The following FBXW10 variants were observed in gnomAD, a reference collection of about 807,000 sequenced individuals.
FBXW10 encodes the protein F-box and WD repeat domain containing 10.
A neutral mutation model predicts 113.1 loss-of-function variants in FBXW10; 68 were observed. The observed-to-expected ratio is 0.60, with a 90% CI of 0.49 to 0.74. The LOEUF (loss-of-function observed/expected upper bound fraction) is 0.74, where lower values mean the gene tolerates loss of function less well. Among genes scored for constraint, FBXW10 ranks in the 30% least tolerant of loss-of-function variants. The pLI, the probability that FBXW10 is intolerant of heterozygous loss-of-function variation, is 0.00. For synonymous variants in FBXW10, 289 were observed against 481.6 expected, an observed-to-expected ratio of 0.60 and a Z score of 5.24; for missense variants, 753 against 1,284.5, an observed-to-expected ratio of 0.59 and a Z score of 6.32.
rs568090172 is a variant in FBXW10, at chr17:18,775,704, GAGAA to G, written c.2335+516_2335+519del. Among the ~76,000 whole-genome samples the G allele has an allele frequency of 1.7e-3, 253 of 152,310 alleles. 1 individual carries two copies. Among genetic ancestry groups the G allele is most frequent in the Non-Finnish European group, 2.8e-3 (191 of 68,028 alleles). On this transcript the variant is annotated intron_variant, in intron 13 of 13. Transcript: ENST00000395665. ...ATATATGTGAGATAAAGAGATAAGG[GAGAA>G]AGAGAGATGGGGATGCACCTTTTAA...
intron 13 of FBXW10, 102 bp downstream of exon 13, chr17:18,775,294 C>A (rs2035681017): frequency 3.9e-6 from 3 of 761,322 alleles, no homozygotes; most frequent in Admixed American, 4.1e-5. Flanking sequence ...GACAAAAAGT[C>A]ATACTTAATT....
intron 7 of FBXW10, among the ~76,000 whole-genome samples, chr17:18,763,791 T>C (rs1000438979): frequency 1.3e-5 from 2 of 151,986 alleles, no homozygotes; most frequent in African/African-American, 4.8e-5. Flanking sequence ...CTGTTGCTCT[T>C]GTTTGCAGAT....
Position 18,753,210 on chromosome 17 carries a change from C to A in FBXW10, c.1122+2157C>A, listed in dbSNP as rs1408260812. On this transcript the variant is annotated intron_variant, in intron 5 of 13. Coordinates refer to ENST00000395665, the MANE Select transcript of FBXW10 (RefSeq NM_001267585.2). ...GGGGGGACAGTCTCTTGGGTAACTA[C>A]CAAACTTCACCCTCATACAGTGGGC... Among the ~76,000 whole-genome samples, 4 of 152,190 alleles carry A rather than the reference C, an allele frequency of 2.6e-5. No homozygotes were observed. In the East Asian group the frequency reaches 7.7e-4, roughly 29 times the overall value.
At chr17:18,762,617 C>T (rs995988629) in intron 7 of FBXW10, among the ~76,000 whole-genome samples, 7 of 152,108 alleles carry the variant, frequency 4.6e-5, no homozygotes, top group Non-Finnish European at 1.0e-4. Flanking sequence ...CCACCACGCC[C>T]GGCCGACAAT....
intron 5 of FBXW10, among the ~76,000 whole-genome samples, chr17:18,754,110 C>T (rs2035218673): frequency 6.6e-6 from 1 of 151,908 alleles, no homozygotes; most frequent in Non-Finnish European, 1.5e-5. Context: ...GGTGTTGTTG[C>T]TCCCAGTTTA....
chr17:18,746,768 G>A (rs2035045003), intron 1 of FBXW10, among the ~76,000 whole-genome samples: 1 of 152,166 alleles, frequency 6.6e-6, no homozygotes, highest in African/African-American at 2.4e-5. Flanking sequence ...CTTCCACTCT[G>A]GAGTGAGTGC....
At chr17:18,751,140 A>C in intron 5 of FBXW10, 87 bp downstream of exon 5, 2 of 1,561,338 alleles carry the variant, frequency 1.3e-6, no homozygotes, top group South Asian at 2.3e-5. Flanking sequence ...TCAGCCCTGG[A>C]GTGAGGACAG....
chr17:18,764,522 A>C (rs193091319), intron 7 of FBXW10, among the ~76,000 whole-genome samples: 2 of 152,090 alleles, frequency 1.3e-5, no homozygotes, highest in East Asian at 3.9e-4. Context: ...TATTATTTCC[A>C]TTTTATCAAT....
chr17:18,750,592 A>G (rs945105406), intron 4 of FBXW10, among the ~76,000 whole-genome samples: 6 of 150,836 alleles, frequency 4.0e-5, no homozygotes, highest in African/African-American at 1.5e-4. Context: ...GTTTCTTGCC[A>G]GAAGTCTCAC....
chr17:18,778,589 T>C lies in FBXW10; in HGVS notation c.2450T>C (p.Leu817Pro). 1.2e-6 allele frequency: 2 copies of C among 1,613,986 alleles called. No individual in the cohort carries two copies. The highest frequency in any genetic ancestry group is 2.2e-5 in the South Asian group (2 of 91,076). ...CCTATGTCACCTGACCAATTCCTCC[T>C]GACTGTTAGCGCCCTGCAGCACGCC... ...KIPMSPDQFL[L>P]TVSALQHAHN... Residue 817 changes from leucine (L) to proline (P), a missense_variant, in exon 14 of 14, where the codon CTG becomes CCG. Transcript: ENST00000395665.
intron 9 of FBXW10, among the ~76,000 whole-genome samples, chr17:18,768,224 T>C (rs1270329211): frequency 6.6e-6 from 1 of 151,970 alleles, no homozygotes; most frequent in Admixed American, 6.6e-5. Flanking sequence ...TGTGCCACCA[T>C]GCCCAGCTAA....
rs149142028 is a variant in FBXW10, at chr17:18,769,949, C to T, written c.1870C>T (p.Leu624Phe). 6.2e-7 allele frequency: 1 copy of T among 1,614,090 alleles called. No homozygotes were observed. Among genetic ancestry groups the T allele is most frequent in the Non-Finnish European group, 8.5e-7 (1 of 1,180,046 alleles). The change falls in exon 11 of 14, where the codon CTC becomes TTC. Residue 624 changes from leucine (L) to phenylalanine (F), a missense_variant. Transcript: ENST00000395665. ...CAGGGAGGTGCTCGACGTGTCCCTT[C>T]TCTTCCTCCGGGTCATCAGCGCCTG... ...HPKEVLDVSL[L>F]FLRVISACAD...
intron 13 of FBXW10, among the ~76,000 whole-genome samples, chr17:18,776,318 C>T (rs761762042): frequency 4.0e-5 from 6 of 151,116 alleles, no homozygotes; most frequent in Admixed American, 1.3e-4. Flanking sequence ...AGCAAGATTC[C>T]GTTTAAAAAA....
In FBXW10 at chr17:18,744,809, G is replaced by A. The variant is rs1191923039; in HGVS notation, c.505+60G>A. On this transcript the variant is annotated intron_variant, in intron 1 of 13. Coordinates refer to ENST00000395665, the MANE Select transcript of FBXW10 (RefSeq NM_001267585.2). ...CCGAAGACCAGAAGGCAAGGCTTCA[G>A]AAATCTGTAAGGAACTGCAGTTGTA... is the stretch of plus-strand genomic sequence containing the variant. 6 of 1,578,420 alleles carry A rather than the reference G, an allele frequency of 3.8e-6. No homozygotes were observed. The East Asian group carries it at 1.4e-4, about 36-fold the overall frequency.
chr17:18,778,604 T>C lies in FBXW10; in HGVS notation c.2465T>C (p.Leu822Pro), dbSNP rs775041774. Reference sequence around the variant, plus strand: ...CAATTCCTCCTGACTGTTAGCGCCCTGCAGCACGCCCATAATTCCGGGGAA... The same window carrying C: ...CAATTCCTCCTGACTGTTAGCGCCCCGCAGCACGCCCATAATTCCGGGGAA... Reference protein sequence around the residue: ...PDQFLLTVSALQHAHNSGEFA... With the variant: ...PDQFLLTVSAPQHAHNSGEFA... The change falls in exon 14 of 14, where the codon CTG becomes CCG. Residue 822 changes from leucine to proline, a missense_variant. Transcript: ENST00000395665. The C allele has an allele frequency of 1.2e-5, 20 of 1,613,888 alleles. No individual in the cohort carries two copies. The South Asian group carries it at 1.8e-4, about 14-fold the overall frequency.
chr17:18,777,373 G>T (rs1054109008), intron 13 of FBXW10, among the ~76,000 whole-genome samples: 1 of 151,418 alleles, frequency 6.6e-6, no homozygotes, highest in Non-Finnish European at 1.5e-5. Flanking sequence ...CTGAAGACAG[G>T]TTTTATTTTG....
At position 18,772,508 on chromosome 17, in the gene FBXW10, G is replaced by A; in HGVS notation, c.2103G>A (p.Lys701=). ...AAAAAACGAAACAAAAGAAGAATAA[G>A]GAGAAAGAGGAGGAAAAAGAAGAAA... ...AVEKTKQKKN[K]EKEEEKEENS... The change falls in exon 12 of 14, where the codon AAG becomes AAA. Residue 701 remains lysine, a synonymous_variant. Coordinates refer to ENST00000395665, the MANE Select transcript of FBXW10 (RefSeq NM_001267585.2). The A allele has an allele frequency of 6.2e-7, 1 of 1,613,912 alleles. No homozygotes were observed. The highest frequency in any genetic ancestry group is 8.5e-7 in the Non-Finnish European group (1 of 1,179,820).
chr17:18,775,114 T>G lies in FBXW10; in HGVS notation c.2279-22T>G, dbSNP rs762467517. The G allele has an allele frequency of 5.1e-6, 8 of 1,574,048 alleles. No homozygotes were observed. In the South Asian group the frequency reaches 8.9e-5, roughly 17 times the overall value. On this transcript the variant is annotated intron_variant, in intron 12 of 13. Coordinates refer to ENST00000395665, the MANE Select transcript of FBXW10 (RefSeq NM_001267585.2). ...AATCGAAGTATATAATGACTACAGC[T>G]TCTTCCTCAATCTCAATTTAGCAGT...
chr17:18,750,476 A>C (rs1297318308), intron 4 of FBXW10, among the ~76,000 whole-genome samples: 2 of 151,164 alleles, frequency 1.3e-5, no homozygotes, highest in African/African-American at 2.4e-5. Context: ...GTGTCTCTGC[A>C]TCAACCTCAT....
Sources: gnomAD v4.1 joint callset for allele counts (sites outside exome capture counted in the v4.1 genomes callset) on GRCh38, gnomAD v4.1.1 for gene constraint, MANE v1.5 for transcripts, NCBI Gene and HGNC (gene_info 2026-07-23, HGNC 2026-07-21) for gene names.